ABCD2: variants seen among roughly 807,000 people sequenced by gnomAD.
ABCD2 encodes ATP-binding cassette sub-family D member 2.
Under a neutral mutation model 70.9 loss-of-function variants are expected in ABCD2, and 36 were observed. The ratio of observed to expected loss-of-function variants is 0.51; its 90% CI spans 0.39 to 0.67. The LOEUF (loss-of-function observed/expected upper bound fraction) is 0.67. Among genes scored for constraint, ABCD2 ranks in the 30% least tolerant of loss-of-function variants. ABCD2 has a pLI of 0.00. For missense variants in ABCD2, 729 were observed against 890.2 expected, an observed-to-expected ratio of 0.82 and a Z score of 2.30; for synonymous variants, 304 against 306.9, an observed-to-expected ratio of 0.99 and a Z score of 0.10.
chr12:39,545,889 G>T (rs1056572040), downstream of ABCD2, among the ~76,000 whole-genome samples: 2 of 152,154 alleles, frequency 1.3e-5, no homozygotes, highest in African/African-American at 2.4e-5. Flanking sequence ...GAAAGAGGAA[G>T]GATATACAGT....
Position 39,619,388 on chromosome 12 carries a change from A to C in ABCD2, c.228T>G (p.Pro76=). The C allele has an allele frequency of 6.2e-7, 1 of 1,614,010 alleles. No homozygotes were observed. ...LHCTETICEK[P]SPGVNADFFK... ...AGAAATCTGCATTCACTCCAGGCGAAGGTTTTTCACAAATGGTCTCGGTGC... is the reference window on the plus strand; with the variant it reads ...AGAAATCTGCATTCACTCCAGGCGACGGTTTTTCACAAATGGTCTCGGTGC... Residue 76 remains proline, a synonymous_variant, in exon 1 of 10, where the codon CCT becomes CCG. Transcript: ENST00000308666.
the ABCD2 span, among the ~76,000 whole-genome samples, chr12:39,535,908 G>A: frequency 3.3e-5 from 5 of 152,164 alleles, no homozygotes; most frequent in Non-Finnish European, 7.4e-5. Flanking sequence ...TTTGGGAGGC[G>A]GAGGCAGGCA....
At chr12:39,613,607 C>A (rs545303485) in intron 2 of ABCD2, among the ~76,000 whole-genome samples, 1 of 152,262 alleles carries the variant, frequency 6.6e-6, no homozygotes, top group South Asian at 2.1e-4. Flanking sequence ...TACCCATCTT[C>A]CTTATAGAAT....
intron 6 of ABCD2, 36 bp downstream of exon 6, chr12:39,600,535 G>A (rs750149502): frequency 1.3e-6 from 2 of 1,504,078 alleles, no homozygotes; most frequent in East Asian, 2.3e-5. Flanking sequence ...AGAGCAAAAG[G>A]AAATTGTTTC....
chr12:39,552,426 TCA>T lies in ABCD2; in HGVS notation c.*1484_*1485del, dbSNP rs1941101193. 6.6e-6 allele frequency: 1 copy of T among 151,960 alleles called. No homozygotes were observed. The highest frequency in any genetic ancestry group is 2.4e-5 in the African/African-American group (1 of 41,442). 9.4% of individuals were successfully genotyped at this position (151,960 alleles called of 1,614,324 possible). ...ATTCTTCTGGTATGTCAATGTGGTA[TCA>T]CAGGCAGCAAGAGATAAAGTTTCAG... On this transcript the variant is annotated 3_prime_UTR_variant, in exon 10 of 10. Transcript: ENST00000308666.
chr12:39,609,129 TC>T (rs1223107437), intron 2 of ABCD2, among the ~76,000 whole-genome samples: 3 of 152,208 alleles, frequency 2.0e-5, no homozygotes, highest in Non-Finnish European at 4.4e-5. Flanking sequence ...CAGCACAGTG[TC>T]TAACACATAG....
At chr12:39,558,010 G>A (rs547877715) in intron 9 of ABCD2, among the ~76,000 whole-genome samples, 81 of 152,326 alleles carry the variant, frequency 5.3e-4, no homozygotes, top group African/African-American at 1.8e-3. Flanking sequence ...CAGAATGGTA[G>A]ATCCACTAAC....
Position 39,586,246 on chromosome 12 carries a change from T to C in ABCD2, c.1698A>G (p.Ser566=), listed in dbSNP as rs755703624. The part of the protein sequence containing the change: ...SLRDQVIYPD[S]VDDMHDKGYT... ...AACCTTTATCATGCATATCATCCAC[T>C]GAATCAGGGTAAATGACTTGATCCC... Residue 566 remains serine (S), a synonymous_variant, in exon 7 of 10, where the codon TCA becomes TCG. Transcript: ENST00000308666. 6.2e-7 allele frequency: 1 copy of C among 1,613,594 alleles called. No individual in the cohort carries two copies. Among genetic ancestry groups the C allele is most frequent in the Non-Finnish European group, 8.5e-7 (1 of 1,179,680 alleles).
At chr12:39,533,939 A>G in the ABCD2 span, among the ~76,000 whole-genome samples, 6 of 152,380 alleles carry the variant, frequency 3.9e-5, no homozygotes, top group African/African-American at 1.2e-4. Flanking sequence ...GATAGGAATG[A>G]ATCTCAACGA....
In ABCD2 at chr12:39,619,590, G is replaced by T; in HGVS notation, c.26C>A (p.Ala9Asp). ...CGATCTGGTCCATTTCACTCGATCAGCTGCTGCATTTAGCATATGTGTCAT... is the reference window on the plus strand; with the variant it reads ...CGATCTGGTCCATTTCACTCGATCATCTGCTGCATTTAGCATATGTGTCAT... Reference protein sequence around the residue: MTHMLNAAADRVKWTRSSA... With the variant: MTHMLNAADDRVKWTRSSA... The change falls in exon 1 of 10, where the codon GCT becomes GAT. Residue 9 changes from alanine to aspartate, a missense_variant. Physicochemically the swap from Ala to Asp is moderately radical, Grantham distance 126. Transcript: ENST00000308666. 1.2e-6 allele frequency: 2 copies of T among 1,609,896 alleles called. No homozygotes were observed.
At chr12:39,578,030 G>A (rs1337320798) in intron 8 of ABCD2, among the ~76,000 whole-genome samples, 7 of 152,130 alleles carry the variant, frequency 4.6e-5, no homozygotes, top group Non-Finnish European at 8.8e-5. Context: ...CTAGGTGTTC[G>A]ATAATACATA....
chr12:39,533,781 T>A, the ABCD2 span, among the ~76,000 whole-genome samples: 1 of 152,246 alleles, frequency 6.6e-6, no homozygotes, highest in Non-Finnish European at 1.5e-5. Flanking sequence ...CCAAGAAGTA[T>A]CCCTAAAACT....
intron 9 of ABCD2, among the ~76,000 whole-genome samples, chr12:39,559,803 T>G (rs1941226894): frequency 6.6e-6 from 1 of 152,156 alleles, no homozygotes; most frequent in Non-Finnish European, 1.5e-5. Context: ...ATGAAAGAGA[T>G]AGACTTTCCC....
intron 7 of ABCD2, among the ~76,000 whole-genome samples, chr12:39,582,780 A>T (rs1222436530): frequency 6.6e-6 from 1 of 152,202 alleles, no homozygotes; most frequent in East Asian, 1.9e-4. Flanking sequence ...TGATATTGTT[A>T]TATAAAACTT....
chr12:39,551,429 C>T lies in ABCD2; in HGVS notation c.*2483G>A, dbSNP rs1941086215. On this transcript the variant is annotated 3_prime_UTR_variant, in exon 10 of 10. Coordinates refer to ENST00000308666, the MANE Select transcript of ABCD2 (RefSeq NM_005164.4). ...TGCTGTATTCAAAAATGGCTAGTTTCTCAGTCTTTTTCATGTTTTCCGTAA... is the reference window on the plus strand; with the variant it reads ...TGCTGTATTCAAAAATGGCTAGTTTTTCAGTCTTTTTCATGTTTTCCGTAA... 1 of 151,460 alleles carries T rather than the reference C, an allele frequency of 6.6e-6. No homozygotes were observed. The highest frequency in any genetic ancestry group is 1.5e-5 in the Non-Finnish European group (1 of 67,628). 9.4% of individuals were successfully genotyped at this position (151,460 alleles called of 1,614,324 possible).
At chr12:39,565,288 A>G (rs375533715) in intron 9 of ABCD2, among the ~76,000 whole-genome samples, 2 of 151,954 alleles carry the variant, frequency 1.3e-5, no homozygotes, top group Non-Finnish European at 1.5e-5. Flanking sequence ...ATTTGTTTGT[A>G]TCCTCTTTTA....
downstream of ABCD2, among the ~76,000 whole-genome samples, chr12:39,545,981 C>G (rs887207565): frequency 6.6e-6 from 1 of 152,036 alleles, no homozygotes; most frequent in Non-Finnish European, 1.5e-5. Context: ...TCTATTGAAT[C>G]AAGGAATTAG....
At chr12:39,538,187 T>G in the ABCD2 span, among the ~76,000 whole-genome samples, 3 of 150,074 alleles carry the variant, frequency 2.0e-5, no homozygotes, top group African/African-American at 7.4e-5. Flanking sequence ...TTTTTTTTTT[T>G]GAGGTGGAGT....
At chr12:39,599,947 A>G (rs1352372064) in intron 6 of ABCD2, among the ~76,000 whole-genome samples, 1 of 152,186 alleles carries the variant, frequency 6.6e-6, no homozygotes, top group Admixed American at 6.5e-5. Context: ...CTTATCCACA[A>G]TGAATATTAC....
Sources: allele counts gnomAD v4.1 joint callset (sites outside exome capture counted in the v4.1 genomes callset), GRCh38; gene constraint gnomAD v4.1.1; transcripts MANE v1.5; gene names NCBI Gene and HGNC (gene_info 2026-07-23, HGNC 2026-07-21).